DROSHA: variants seen among roughly 807,000 people sequenced by gnomAD.
DROSHA encodes the protein ribonuclease 3.
Under a neutral mutation model 181.9 loss-of-function variants are expected in DROSHA, and 56 were observed. The observed-to-expected ratio is 0.31, with a 90% confidence interval of 0.25 to 0.38. DROSHA has a LOEUF of 0.38. Among genes scored for constraint, DROSHA ranks in the 10% least tolerant of loss-of-function variants. The pLI is 1.00. For missense variants in DROSHA, 1,218 were observed against 1,743.5 expected (o/e 0.70, Z 5.37); for synonymous variants, 524 against 591.2 (o/e 0.89, Z 1.65).
In DROSHA at chr5:31,411,919, G is replaced by A. The variant is rs116806489; in HGVS notation, c.3526-1032C>T. On this transcript the variant is annotated intron_variant, in intron 30 of 35. Transcript: ENST00000344624. This position sits in a 1 kb window ranked among gnomAD's most constrained non-coding sequence, Gnocchi z 4.2. Reference sequence around the variant, plus strand: ...TGGGATTACAGGCGTGAGCCACTGCGCCCAGCCCATACTGGTATCCTTTGT... The same window carrying A: ...TGGGATTACAGGCGTGAGCCACTGCACCCAGCCCATACTGGTATCCTTTGT... 0.027 allele frequency among the ~76,000 whole-genome samples: 4,082 copies of A among 152,252 alleles called. 183 individuals carry two copies. The highest frequency in any genetic ancestry group is 0.092 in the African/African-American group (3,827 of 41,536).
chr5:31,418,283 CAGAG>C (rs761724140), intron 30 of DROSHA, among the ~76,000 whole-genome samples: 3 of 150,716 alleles, frequency 2.0e-5, no homozygotes, highest in Admixed American at 6.6e-5. Flanking sequence ...GAGAGAGACA[CAGAG>C]AGAGAGAGAG....
intron 6 of DROSHA, among the ~76,000 whole-genome samples, chr5:31,517,722 C>A (rs1049759491): frequency 6.6e-6 from 1 of 151,700 alleles, no homozygotes. Flanking sequence ...CTTCATTATC[C>A]TAACTTCTAT....
At chr5:31,510,051 G>GA (rs4049955) in intron 9 of DROSHA, among the ~76,000 whole-genome samples, 54,014 of 112,542 alleles carry the variant, frequency 0.48, 11,165 homozygotes, top group East Asian at 0.8. Flanking sequence ...ACCACAATTT[G>GA]AAAAAAAAAA....
At chr5:31,483,009 T>C (rs1430661092) in intron 16 of DROSHA, among the ~76,000 whole-genome samples, 1 of 152,060 alleles carries the variant, frequency 6.6e-6, no homozygotes, top group Non-Finnish European at 1.5e-5. Flanking sequence ...GGTGGATTCT[T>C]TTTAAAAAAT....
chr5:31,519,493 ATACCAG>A (rs1483936447), intron 6 of DROSHA, among the ~76,000 whole-genome samples: 3 of 152,160 alleles, frequency 2.0e-5, no homozygotes, highest in Admixed American at 6.5e-5. Flanking sequence ...TATATCACCC[ATACCAG>A]TACAATACCC....
In DROSHA at chr5:31,496,305, G is replaced by A. The variant is rs552038201; in HGVS notation, c.1669-933C>T. On this transcript the variant is annotated intron_variant, in intron 11 of 35. Transcript: ENST00000344624. ...TAGCCTGGTGTGGTGGTGCATGCCT[G>A]TGGTCCCAGCTACTCAGGAGGTTGA... Among the ~76,000 whole-genome samples the A allele has an allele frequency of 4.6e-5, 7 of 152,314 alleles. No individual in the cohort carries two copies. The South Asian group carries it at 1.5e-3, about 32-fold the overall frequency.
In DROSHA at chr5:31,466,166, G is replaced by A; in HGVS notation, c.2466+16C>T. ...ACATCATCGTTAATCACCAAGGAAT[G>A]GAGTTTGATACAGACCTCCCTCTGT... On this transcript the variant is annotated intron_variant, in intron 19 of 35. Coordinates refer to ENST00000344624, the MANE Select transcript of DROSHA (RefSeq NM_001382508.1). 2.5e-6 allele frequency: 4 copies of A among 1,610,786 alleles called. No individual in the cohort carries two copies. Among genetic ancestry groups the A allele is most frequent in the Non-Finnish European group, 3.4e-6 (4 of 1,177,246 alleles).
At chr5:31,437,140 T>A (rs1485493607) in intron 24 of DROSHA, 99 bp downstream of exon 24, 3 of 1,259,264 alleles carry the variant, frequency 2.4e-6, no homozygotes, top group Non-Finnish European at 3.4e-6. Flanking sequence ...GGTGTATCAA[T>A]GCCTTATTTG....
intron 35 of DROSHA, among the ~76,000 whole-genome samples, chr5:31,402,494 G>T (rs1442292084): frequency 6.8e-6 from 1 of 147,020 alleles, no homozygotes; most frequent in Non-Finnish European, 1.5e-5. Flanking sequence ...ATCTTTTTCT[G>T]TGCCTGATTT....
rs766661064 is a variant in DROSHA, at chr5:31,401,170, T to C, written c.*262A>G. 5.6e-4 allele frequency: 226 copies of C among 400,444 alleles called. No individual in the cohort carries two copies. The highest frequency in any genetic ancestry group is 9.1e-4 in the Non-Finnish European group (194 of 213,304). 24.8% of individuals were successfully genotyped at this position (400,444 alleles called of 1,614,324 possible). On this transcript the variant is annotated 3_prime_UTR_variant, in exon 36 of 36. Coordinates refer to ENST00000344624, the MANE Select transcript of DROSHA (RefSeq NM_001382508.1). ...CATAGAATATGCTTCTTGAATTTTA[T>C]TATTTAAAGAGCAAAATAAAAGGAA...
chr5:31,459,436 A>T (rs944738600), intron 20 of DROSHA, among the ~76,000 whole-genome samples: 1 of 136,940 alleles, frequency 7.3e-6, no homozygotes, highest in African/African-American at 2.7e-5. Flanking sequence ...AAAAAAAAAA[A>T]TCTCTCTCAG....
At chr5:31,465,999 CTT>C (rs1748957074) in intron 19 of DROSHA, among the ~76,000 whole-genome samples, 181 bp downstream of exon 19, 1 of 152,068 alleles carries the variant, frequency 6.6e-6, no homozygotes. Flanking sequence ...AAAAGGCTCT[CTT>C]AAATATTAAA....
At chr5:31,418,228 T>C (rs559781303) in intron 30 of DROSHA, among the ~76,000 whole-genome samples, 2 of 151,176 alleles carry the variant, frequency 1.3e-5, no homozygotes, top group African/African-American at 4.9e-5. Flanking sequence ...GGTGTGTGTG[T>C]GTGTGTGTGT....
At chr5:31,442,094 T>C (rs1381083063) in intron 23 of DROSHA, among the ~76,000 whole-genome samples, 1 of 152,232 alleles carries the variant, frequency 6.6e-6, no homozygotes, top group East Asian at 1.9e-4. Context: ...AGACAAAAAC[T>C]ACATCTAAGG....
chr5:31,461,149 T>A (rs1748361570), intron 20 of DROSHA, among the ~76,000 whole-genome samples: 1 of 152,174 alleles, frequency 6.6e-6, no homozygotes. Context: ...AGATGTTTGG[T>A]CATTAATGCT....
At chr5:31,410,137 T>C (rs1347020568) in intron 31 of DROSHA, among the ~76,000 whole-genome samples, 1 of 152,188 alleles carries the variant, frequency 6.6e-6, no homozygotes, top group Non-Finnish European at 1.5e-5. Context: ...TACTTGAATA[T>C]AATTCCCATT....
At position 31,470,461 on chromosome 5, in the gene DROSHA, A is replaced by ACCCCC. The variant is rs72509621; in HGVS notation, c.2241+1597_2241+1601dup. 2.0e-5 allele frequency among the ~76,000 whole-genome samples: 3 copies of ACCCCC among 151,912 alleles called. No homozygotes were observed. Among genetic ancestry groups the ACCCCC allele is most frequent in the African/African-American group, 7.3e-5 (3 of 41,330 alleles). On this transcript the variant is annotated intron_variant, in intron 17 of 35. Coordinates refer to ENST00000344624, the MANE Select transcript of DROSHA (RefSeq NM_001382508.1). This position sits in a 1 kb window ranked among gnomAD's most constrained non-coding sequence, Gnocchi z 4.0. ...TGCAAAAATAGTTGCGGTATGGCAGACCCCCGCAACTACTTTTGTGCCAGC... is the reference window on the plus strand; with the variant it reads ...TGCAAAAATAGTTGCGGTATGGCAGACCCCCCCCCCGCAACTACTTTTGTGCCAGC...
At position 31,470,057 on chromosome 5, in the gene DROSHA, C is replaced by G. The variant is rs146063614; in HGVS notation, c.2242-1994G>C. ...TAGGATGTTTTCATAATACTGAATT[C>G]TCAAGATTTTTTTCCTCCTTTAAGC... On this transcript the variant is annotated intron_variant, in intron 17 of 35. Transcript: ENST00000344624. The surrounding 1 kb of genome is among the most constrained non-coding windows in gnomAD (Gnocchi z 4.0). 2.8e-4 allele frequency among the ~76,000 whole-genome samples: 42 copies of G among 152,220 alleles called. 1 individual carries two copies. Among genetic ancestry groups the G allele is most frequent in the African/African-American group, 9.9e-4 (41 of 41,518 alleles).
intron 11 of DROSHA, among the ~76,000 whole-genome samples, chr5:31,499,950 G>T (rs747491231): frequency 6.6e-6 from 1 of 152,168 alleles, no homozygotes; most frequent in East Asian, 1.9e-4. Context: ...CAAGCCTAAG[G>T]CTTACCTGTG....
Sources: gnomAD v4.1 joint callset for allele counts (sites outside exome capture counted in the v4.1 genomes callset) on GRCh38, gnomAD v4.1.1 for gene constraint, Gnocchi (gnomAD v3.1) non-coding constraint, MANE v1.5 for transcripts, NCBI Gene and HGNC (gene_info 2026-07-23, HGNC 2026-07-21) for gene names.